The following RNH1 variants were observed in gnomAD, a reference collection of about 807,000 sequenced individuals.
RNH1 encodes the protein ribonuclease/angiogenin inhibitor 1.
Under a neutral mutation model 46.1 loss-of-function variants are expected in RNH1, and 38 were observed. That is an observed-to-expected ratio of 0.82 (90% CI 0.64 to 1.08). The LOEUF (loss-of-function observed/expected upper bound fraction) is 1.08, where lower values mean the gene tolerates loss of function less well. Among genes scored for constraint, RNH1 ranks in the 50% least tolerant of loss-of-function variants. The pLI, the probability that RNH1 is intolerant of heterozygous loss-of-function variation, is 0.00. For missense variants in RNH1, 577 were observed against 590.7 expected, an observed-to-expected ratio of 0.98 and a Z score of 0.24; for synonymous variants, 319 against 279.1, an observed-to-expected ratio of 1.14 and a Z score of -1.43.
At chr11:497,718 C>A (rs1391359769) in intron 9 of RNH1, among the ~76,000 whole-genome samples, 1 of 151,456 alleles carries the variant, frequency 6.6e-6, no homozygotes, top group Non-Finnish European at 1.5e-5. Flanking sequence ...CTCATTCTTG[C>A]CCATGTGCTC....
chr11:506,389 C>T (rs1191403006), intron 1 of RNH1: 1 of 152,246 alleles, frequency 6.6e-6, no homozygotes, highest in African/African-American at 2.4e-5. Flanking sequence ...CGCCCAGTAA[C>T]ACGACGTGCC....
chr11:501,890 A>G lies in RNH1; in HGVS notation c.101+172T>C. On this transcript the variant is annotated intron_variant, in intron 3 of 10. Coordinates refer to ENST00000354420, the MANE Select transcript of RNH1 (RefSeq NM_203387.3). The surrounding 1 kb of genome is among the most constrained non-coding windows in gnomAD (Gnocchi z 4.1). ...AGCCTGGAATGGGTTTTACATTCCT[A>G]AATTGTCAAAAAGAAACACAAGAAT... 1.6e-6 allele frequency: 1 copy of G among 607,418 alleles called. No homozygotes were observed. The highest frequency in any genetic ancestry group is 2.9e-6 in the Non-Finnish European group (1 of 339,978). The allele number at this position is 607,418 out of a possible 1,614,324, so 37.6% of individuals were successfully genotyped here. A position where few individuals can be genotyped will look rare whatever the true frequency, so the allele number is the denominator to read the frequency against.
intron 1 of RNH1, chr11:506,579 CCCCGA>C (rs1850288279): frequency 6.6e-6 from 1 of 152,250 alleles, no homozygotes; most frequent in Non-Finnish European, 1.5e-5. Flanking sequence ...GACCCTCCCT[CCCCGA>C]CCTCGCACGA....
intron 4 of RNH1, 130 bp downstream of exon 4, chr11:500,354 G>A: frequency 8.9e-7 from 1 of 1,118,156 alleles, no homozygotes; most frequent in Non-Finnish European, 1.3e-6. Context: ...TCTGGCTGAT[G>A]TTGGAAATGT....
At position 499,165 on chromosome 11, in the gene RNH1, G is replaced by A. The variant is rs145455574; in HGVS notation, c.464C>T (p.Ser155Leu). ...EKLQLEYCSLSAASCEPLASV... is the reference protein window; with the variant it reads ...EKLQLEYCSLLAASCEPLASV... ...GGCCAGGGGCTCGCAGCTGGCAGCCGAGAGGCTGCAATACTCCAGCCTGGG... is the reference window on the plus strand; with the variant it reads ...GGCCAGGGGCTCGCAGCTGGCAGCCAAGAGGCTGCAATACTCCAGCCTGGG... The change falls in exon 6 of 11, where the codon TCG (serine) becomes TTG (leucine). Residue 155 changes from serine (S) to leucine (L), a missense_variant. By Grantham distance (145) the Ser-to-Leu change is moderately radical. Coordinates refer to ENST00000354420, the MANE Select transcript of RNH1 (RefSeq NM_203387.3). 25 of 1,612,616 alleles carry A rather than the reference G, an allele frequency of 1.6e-5. No individual in the cohort carries two copies. In the African/African-American group the frequency reaches 2.5e-4, roughly 16 times the overall value.
At position 499,939 on chromosome 11, in the gene RNH1, G is replaced by A. The variant is rs1849589311; in HGVS notation, c.333C>T (p.Thr111=). 6.2e-7 allele frequency: 1 copy of A among 1,611,224 alleles called. No homozygotes were observed. Among genetic ancestry groups the A allele is most frequent in the African/African-American group, 1.3e-5 (1 of 74,898 alleles). ...GGTGCAGCTCCTGCAGGGTGGGCAGGGTGCGTAGTGTGCTGGACAGGACCC... is the reference window on the plus strand; with the variant it reads ...GGTGCAGCTCCTGCAGGGTGGGCAGAGTGCGTAGTGTGCTGGACAGGACCC... ...GCGVLSSTLR[T]LPTLQELHLS... Residue 111 remains threonine, a synonymous_variant, in exon 5 of 11, where the codon ACC becomes ACT. Transcript: ENST00000354420.
chr11:495,516 G>A (rs1045179327), intron 9 of RNH1, among the ~76,000 whole-genome samples: 9 of 152,184 alleles, frequency 5.9e-5, no homozygotes, highest in African/African-American at 1.9e-4. Context: ...AGACAAAAGA[G>A]GATGGGATAG....
rs1849311204 is a variant in RNH1, at chr11:497,830, C to T, written c.1127+141G>A. 10 of 1,006,120 alleles carry T rather than the reference C, an allele frequency of 9.9e-6. No homozygotes were observed. The Admixed American group carries it at 2.3e-4, about 23-fold the overall frequency. The allele number at this position is 1,006,120 out of a possible 1,614,324, so 62.3% of individuals were successfully genotyped here. On this transcript the variant is annotated intron_variant, in intron 9 of 10. Transcript: ENST00000354420. ...TCACACTCATATGCTCACACACGTG[C>T]TCACACTCGCCTCACCCATGTGTGC...
chr11:498,786 G>A lies in RNH1; in HGVS notation c.762C>T (p.Pro254=), dbSNP rs781034772. The A allele has an allele frequency of 1.6e-5, 26 of 1,603,904 alleles. No individual in the cohort carries two copies. The East Asian group carries it at 4.7e-4, about 29-fold the overall frequency. Residue 254 remains proline, a synonymous_variant, in exon 7 of 11, where the codon CCC becomes CCT. Coordinates refer to ENST00000354420, the MANE Select transcript of RNH1 (RefSeq NM_203387.3). ...ACCACAGGGTCCTGAGCCTGGAGCT[G>A]GGGTGGAGCAGCCCTGGGCACAGCT... ...MAELCPGLLH[P]SSRLRTLWIW...
At chr11:495,448 G>T (rs1848970142) in intron 9 of RNH1, among the ~76,000 whole-genome samples, 1 of 152,220 alleles carries the variant, frequency 6.6e-6, no homozygotes, top group African/African-American at 2.4e-5. Context: ...AGGGTACCAA[G>T]ACAAGAACAG....
rs776791484 is a variant in RNH1, at chr11:499,236, G to A, written c.444-51C>T. The A allele has an allele frequency of 1.9e-5, 31 of 1,594,020 alleles. No homozygotes were observed. In the Admixed American group the frequency reaches 3.4e-4, roughly 17 times the overall value. ...ACACAGGAATGTGCACCAGCCAAGG[G>A]TGTGATACCAGGGAGCACGGGGTGT... On this transcript the variant is annotated intron_variant, in intron 5 of 10. Transcript: ENST00000354420.
At chr11:497,263 C>T in intron 9 of RNH1, among the ~76,000 whole-genome samples, 1 of 128,026 alleles carries the variant, frequency 7.8e-6, no homozygotes, top group Non-Finnish European at 1.7e-5. Context: ...TCACTCTCGC[C>T]CATGTGCTCA....
At chr11:494,822 C>T (rs367893584) in intron 10 of RNH1, 44 bp from the exon 11 acceptor site, 9 of 1,612,364 alleles carry the variant, frequency 5.6e-6, no homozygotes, top group Middle Eastern at 1.6e-4. Flanking sequence ...TGTCCTCCCC[C>T]ACCCCCGCCT....
At position 502,171 on chromosome 11, in the gene RNH1, T is replaced by G. The variant is rs778736682; in HGVS notation, c.-9A>C. 6.2e-7 allele frequency: 1 copy of G among 1,602,648 alleles called. No homozygotes were observed. Among genetic ancestry groups the G allele is most frequent in the East Asian group, 2.2e-5 (1 of 44,696 alleles). On this transcript the variant is annotated 5_prime_UTR_variant, in exon 3 of 11. Transcript: ENST00000354420. This position sits in a 1 kb window ranked among gnomAD's most constrained non-coding sequence, Gnocchi z 5.8. ...TGGATGTCCAGGCTCATGGTGGAGG[T>G]GAAGAGTGGCCTGGGTGGGAGGCAG...
chr11:498,621 C>T lies in RNH1; in HGVS notation c.792G>A (p.Trp264Ter), dbSNP rs1265299560. The change falls in exon 8 of 11, where the codon TGG (tryptophan) becomes TGA (stop). Residue 264 changes from tryptophan (W) to a stop codon, truncating the protein, a stop_gained. Transcript: ENST00000354420. LOFTEE classifies it high-confidence loss of function. Reference protein sequence around the residue: ...PSSRLRTLWIWECGITAKGCG... With the variant: ...PSSRLRTLWI The stretch of plus-strand genomic sequence containing the variant: ...AGCCCTTGGCAGTGATGCCACACTC[C>T]CAGATCCTGCAGGACATGGACCACC... The T allele has an allele frequency of 6.2e-7, 1 of 1,612,240 alleles. No individual in the cohort carries two copies. Among genetic ancestry groups the T allele is most frequent in the South Asian group, 1.1e-5 (1 of 91,084 alleles).
At chr11:497,549 T>C (rs1444019286) in intron 9 of RNH1, among the ~76,000 whole-genome samples, 1 of 91,462 alleles carries the variant, frequency 1.1e-5, no homozygotes. Flanking sequence ...TCGTGCTCAC[T>C]CTCACGTGCT....
Position 498,897 on chromosome 11 carries a change from C to T in RNH1, c.651G>A (p.Arg217=). The change falls in exon 7 of 11, where the codon CGG becomes CGA. Residue 217 remains arginine (R), a synonymous_variant. Coordinates refer to ENST00000354420, the MANE Select transcript of RNH1 (RefSeq NM_203387.3). ...TGGAGGCCACAATGCCGCACAGGTC[C>T]CGGCAGTTGTCTGATGTCACACCGC... The part of the protein sequence containing the change: ...ESCGVTSDNC[R]DLCGIVASKA... 6.2e-7 allele frequency: 1 copy of T among 1,612,714 alleles called. No individual in the cohort carries two copies. The highest frequency in any genetic ancestry group is 1.3e-5 in the African/African-American group (1 of 75,060).
Position 498,868 on chromosome 11 carries a change from G to T in RNH1, c.680C>A (p.Ala227Asp), listed in dbSNP as rs753011236. The T allele has an allele frequency of 6.2e-7, 1 of 1,612,266 alleles. No homozygotes were observed. Among genetic ancestry groups the T allele is most frequent in the Non-Finnish European group, 8.5e-7 (1 of 1,179,762 alleles). ...RDLCGIVASK[A>D]SLRELALGSN... ...GCCCAGGGCCAGCTCCCGCAGCGAGGCCTTGGAGGCCACAATGCCGCACAG... is the reference window on the plus strand; with the variant it reads ...GCCCAGGGCCAGCTCCCGCAGCGAGTCCTTGGAGGCCACAATGCCGCACAG... The change falls in exon 7 of 11, where the codon GCC becomes GAC. Residue 227 changes from alanine (A) to aspartate (D), a missense_variant. Transcript: ENST00000354420.
At position 502,843 on chromosome 11, in the gene RNH1, A is replaced by C. The variant is rs1849883688; in HGVS notation, c.-87-594T>G. 6.5e-6 allele frequency: 1 copy of C among 152,826 alleles called. No individual in the cohort carries two copies. 9.5% of individuals were successfully genotyped at this position (152,826 alleles called of 1,614,324 possible). On this transcript the variant is annotated intron_variant, in intron 2 of 10. Transcript: ENST00000354420. This position sits in a 1 kb window ranked among gnomAD's most constrained non-coding sequence, Gnocchi z 5.8. ...CACATCCCCTGCCCCACGGCACACTAGCCCAGAGGCTGGGCTACCAGGCAA... is the reference window on the plus strand; with the variant it reads ...CACATCCCCTGCCCCACGGCACACTCGCCCAGAGGCTGGGCTACCAGGCAA...
Sources: gnomAD v4.1 joint callset for allele counts (sites outside exome capture counted in the v4.1 genomes callset) on GRCh38, gnomAD v4.1.1 for gene constraint, Gnocchi (gnomAD v3.1) non-coding constraint, MANE v1.5 for transcripts, NCBI Gene and HGNC (gene_info 2026-07-23, HGNC 2026-07-21) for gene names.